Variants in UBE2E2 observed in about 807,000 individuals in gnomAD.
UBE2E2 encodes ubiquitin-conjugating enzyme E2 E2.
In UBE2E2, 6 loss-of-function variants were observed where a neutral mutation model predicts 24.7. The ratio of observed to expected loss-of-function variants is 0.24; its 90% CI spans 0.13 to 0.48. The LOEUF (loss-of-function observed/expected upper bound fraction) is 0.48. Ranked by LOEUF, UBE2E2 falls within the 20% of genes least tolerant of loss-of-function variation. The pLI is 0.99. For synonymous variants in UBE2E2, 104 were observed against 83.6 expected (o/e 1.24, Z -1.33); for missense variants, 169 against 245.0 (o/e 0.69, Z 2.07).
chr3:23,235,754 G>T (rs538224434), intron 3 of UBE2E2, among the ~76,000 whole-genome samples: 16 of 152,134 alleles, frequency 1.1e-4, no homozygotes, highest in Admixed American at 3.9e-4. Context: ...TCATGGGGTT[G>T]GGTTTGAGTC....
intron 3 of UBE2E2, among the ~76,000 whole-genome samples, chr3:23,240,378 C>T (rs902531628): frequency 6.6e-6 from 1 of 152,190 alleles, no homozygotes; most frequent in African/African-American, 2.4e-5. Flanking sequence ...TGTTCAAACA[C>T]TTACCAAATA....
chr3:23,269,290 C>T (rs565368554), intron 3 of UBE2E2, among the ~76,000 whole-genome samples: 116 of 152,216 alleles, frequency 7.6e-4, no homozygotes, highest in East Asian at 5.0e-3. Flanking sequence ...AGAAAATTTT[C>T]ACAACCTACT....
chr3:23,401,848 CTTT>C (rs35903137), intron 3 of UBE2E2, among the ~76,000 whole-genome samples: 362 of 67,696 alleles, frequency 5.3e-3, no homozygotes, highest in African/African-American at 0.023. Flanking sequence ...TGCCTGGCTA[CTTT>C]TTTTTTTTTT....
chr3:23,569,407 A>G (rs971442672), intron 5 of UBE2E2, among the ~76,000 whole-genome samples: 1 of 152,190 alleles, frequency 6.6e-6, no homozygotes, highest in African/African-American at 2.4e-5. Context: ...GATTGTGGTA[A>G]TGGTTGCCCA....
chr3:23,405,000 G>A (rs1049822164), intron 3 of UBE2E2, among the ~76,000 whole-genome samples: 26 of 152,166 alleles, frequency 1.7e-4, no homozygotes, highest in African/African-American at 5.8e-4. Context: ...ACTCAGATGC[G>A]AAGGTGTTTT....
chr3:23,266,047 C>T (rs555868103), intron 3 of UBE2E2, among the ~76,000 whole-genome samples: 8 of 152,222 alleles, frequency 5.3e-5, no homozygotes, highest in South Asian at 2.1e-4. Flanking sequence ...TGTGTCTGCA[C>T]GTGAGATGGG....
chr3:23,302,078 G>C (rs1385035149), intron 3 of UBE2E2, among the ~76,000 whole-genome samples: 1 of 151,892 alleles, frequency 6.6e-6, no homozygotes, highest in African/African-American at 2.4e-5. Flanking sequence ...TCGTATCTTT[G>C]TAATTTCCTC....
intron 3 of UBE2E2, among the ~76,000 whole-genome samples, chr3:23,433,945 TTAAA>T (rs1698123868): frequency 6.6e-6 from 1 of 152,100 alleles, no homozygotes; most frequent in South Asian, 2.1e-4. Flanking sequence ...TCATTTACAT[TTAAA>T]ATAAATCCTC....
chr3:23,237,190 G>C (rs187731123), intron 3 of UBE2E2, among the ~76,000 whole-genome samples: 1 of 152,110 alleles, frequency 6.6e-6, no homozygotes, highest in Admixed American at 6.5e-5. Flanking sequence ...TGGCATATAA[G>C]GGCTCAAAAA....
intron 3 of UBE2E2, among the ~76,000 whole-genome samples, chr3:23,222,580 A>G (rs1399696009): frequency 1.3e-5 from 2 of 152,282 alleles, no homozygotes; most frequent in African/African-American, 4.8e-5. Flanking sequence ...GTCTGCCACC[A>G]TGTGATGCGT....
At chr3:23,210,140 G>T (rs1696280480) in intron 2 of UBE2E2, among the ~76,000 whole-genome samples, 1 of 152,118 alleles carries the variant, frequency 6.6e-6, no homozygotes, top group Non-Finnish European at 1.5e-5. Flanking sequence ...GGGGAATAGA[G>T]AAAATATGAC....
At chr3:23,360,154 C>T (rs563400161) in intron 3 of UBE2E2, among the ~76,000 whole-genome samples, 1 of 152,270 alleles carries the variant, frequency 6.6e-6, no homozygotes, top group East Asian at 1.9e-4. Flanking sequence ...TTGAATATTA[C>T]TGTAAGACAT....
At chr3:23,406,716 A>G (rs551184781) in intron 3 of UBE2E2, among the ~76,000 whole-genome samples, 23 of 152,314 alleles carry the variant, frequency 1.5e-4, no homozygotes, top group Non-Finnish European at 2.8e-4. Context: ...GACCATGACA[A>G]TTGACTGTAA....
intron 3 of UBE2E2, among the ~76,000 whole-genome samples, chr3:23,268,311 T>C (rs1336264592): frequency 3.3e-5 from 5 of 150,178 alleles, no homozygotes; most frequent in East Asian, 2.0e-4. Context: ...AAAACCCCAT[T>C]GTCTCAGCCC....
At chr3:23,434,194 A>T (rs1357430937) in intron 3 of UBE2E2, among the ~76,000 whole-genome samples, 1 of 152,110 alleles carries the variant, frequency 6.6e-6, no homozygotes, top group African/African-American at 2.4e-5. Flanking sequence ...ATTACTGTGC[A>T]ATTTTGTTGT....
chr3:23,278,088 G>T (rs9847027), intron 3 of UBE2E2, among the ~76,000 whole-genome samples: 42,589 of 151,864 alleles, frequency 0.28, 7,429 homozygotes, highest in Admixed American at 0.48. Flanking sequence ...GAGTGGAAAA[G>T]GTATGCAAAT....
chr3:23,204,743 C>A, intron 1 of UBE2E2: 1 of 985,360 alleles, frequency 1.0e-6, no homozygotes, highest in Non-Finnish European at 1.2e-6. Flanking sequence ...AATGTCTTTG[C>A]AGTTAAATTT....
chr3:23,494,365 TTAA>T (rs1463868161), intron 3 of UBE2E2, among the ~76,000 whole-genome samples: 2 of 152,216 alleles, frequency 1.3e-5, no homozygotes, highest in Non-Finnish European at 2.9e-5. Context: ...TAGTTGTTCA[TTAA>T]TAATTATTAA....
chr3:23,515,554 C>A (rs1208964832), intron 4 of UBE2E2, among the ~76,000 whole-genome samples: 1 of 152,098 alleles, frequency 6.6e-6, no homozygotes, highest in Non-Finnish European at 1.5e-5. Flanking sequence ...CTCCTCCTGG[C>A]AATTCGATTA....
Sources: gnomAD v4.1 joint callset for allele counts (sites outside exome capture counted in the v4.1 genomes callset) on GRCh38, gnomAD v4.1.1 for gene constraint, MANE v1.5 for transcripts, NCBI Gene and HGNC (gene_info 2026-07-23, HGNC 2026-07-21) for gene names.